The following ZFAT variants were observed in gnomAD, a reference collection of about 807,000 sequenced individuals.
The protein encoded by ZFAT is zinc finger and AT-hook domain containing.
Under a neutral mutation model 117.7 loss-of-function variants are expected in ZFAT, and 64 were observed. The observed-to-expected ratio is 0.54, with a 90% CI of 0.44 to 0.67. The LOEUF is 0.67. Ranked by LOEUF, ZFAT falls within the 30% of genes least tolerant of loss-of-function variation. ZFAT has a pLI of 0.00. For synonymous variants in ZFAT, 679 were observed against 615.0 expected (o/e 1.10, Z -1.54); for missense variants, 1,433 against 1,584.5 (o/e 0.90, Z 1.62).
At chr8:134,717,572 C>T (rs185858336), upstream of ZFAT, among the ~76,000 whole-genome samples, 168 of 141,262 alleles carry the variant, frequency 1.2e-3, 1 homozygote, top group East Asian at 0.027. Flanking sequence ...CAAGCTCTGC[C>T]TCCTGGGTTC....
chr8:134,665,654 GC>G (rs1832176224), intron 1 of ZFAT, among the ~76,000 whole-genome samples: 1 of 152,182 alleles, frequency 6.6e-6, no homozygotes, highest in East Asian at 1.9e-4. Context: ...AATACAGACA[GC>G]CCCCGAGCAT....
the ZFAT span, chr8:134,804,809 C>T: frequency 2.0e-6 from 1 of 510,766 alleles, no homozygotes; most frequent in African/African-American, 2.0e-5. Flanking sequence ...TTTTCCCACA[C>T]ATTTTATAGC....
chr8:134,825,766 A>G, the ZFAT span, among the ~76,000 whole-genome samples: 1 of 152,322 alleles, frequency 6.6e-6, no homozygotes, highest in East Asian at 1.9e-4. Context: ...CATGCCTGTA[A>G]TCCCAGCACT....
chr8:134,760,888 T>G, the ZFAT span, among the ~76,000 whole-genome samples: 9 of 152,292 alleles, frequency 5.9e-5, no homozygotes, highest in African/African-American at 2.2e-4. Context: ...GGGGAAAAAT[T>G]CCAGCTGGAT....
chr8:134,502,599 C>A (rs1023924253), intron 15 of ZFAT, among the ~76,000 whole-genome samples: 1 of 152,232 alleles, frequency 6.6e-6, no homozygotes, highest in Non-Finnish European at 1.5e-5. Flanking sequence ...TCTCCCAACA[C>A]TGCCAACCAT....
At chr8:134,542,137 T>C (rs1822301778) in intron 11 of ZFAT, among the ~76,000 whole-genome samples, 1 of 152,202 alleles carries the variant, frequency 6.6e-6, no homozygotes, top group African/African-American at 2.4e-5. Context: ...TACTGGCTCC[T>C]TTCTCATTTG....
chr8:134,645,060 C>T (rs992741327), intron 2 of ZFAT, among the ~76,000 whole-genome samples: 1 of 152,150 alleles, frequency 6.6e-6, no homozygotes, highest in Non-Finnish European at 1.5e-5. Context: ...CTTCTTGGAT[C>T]ACAGCCAGAG....
At chr8:134,625,423 C>G (rs1049742850) in intron 3 of ZFAT, among the ~76,000 whole-genome samples, 16 of 152,218 alleles carry the variant, frequency 1.1e-4, no homozygotes, top group Non-Finnish European at 2.2e-4. Context: ...CCCCCAGTCC[C>G]AAGTCATCCT....
chr8:134,681,485 C>G (rs575682471), intron 1 of ZFAT, among the ~76,000 whole-genome samples: 1 of 152,192 alleles, frequency 6.6e-6, no homozygotes, highest in South Asian at 2.1e-4. Flanking sequence ...GCTAGATGAT[C>G]TGATTATTAC....
Position 134,652,448 on chromosome 8 carries a change from G to A in ZFAT, c.196+5113C>T, listed in dbSNP as rs116678087. On this transcript the variant is annotated intron_variant, in intron 2 of 15. Coordinates refer to ENST00000377838, the MANE Select transcript of ZFAT (RefSeq NM_020863.4). Reference sequence around the variant, plus strand: ...ATGCAGATCCAAGGACTGAAGAGCCGGAAAGTCATAAATATGTAGCTAAAT... The same window carrying A: ...ATGCAGATCCAAGGACTGAAGAGCCAGAAAGTCATAAATATGTAGCTAAAT... Among the ~76,000 whole-genome samples the A allele has an allele frequency of 2.4e-3, 362 of 152,212 alleles. 1 individual carries two copies. Among genetic ancestry groups the A allele is most frequent in the African/African-American group, 8.3e-3 (344 of 41,542 alleles).
At chr8:134,501,054 G>A (rs1358978114) in intron 15 of ZFAT, among the ~76,000 whole-genome samples, 1 of 152,132 alleles carries the variant, frequency 6.6e-6, no homozygotes. Flanking sequence ...TTACAGTAAG[G>A]GCTAGGATAT....
the ZFAT span, among the ~76,000 whole-genome samples, chr8:134,751,837 A>G: frequency 1.6e-3 from 251 of 152,236 alleles, no homozygotes; most frequent in Middle Eastern, 0.014. Context: ...GCCTAACCCA[A>G]CTCTTTCCAG....
chr8:134,573,924 A>G (rs1300542983), intron 10 of ZFAT, among the ~76,000 whole-genome samples: 1 of 152,278 alleles, frequency 6.6e-6, no homozygotes, highest in Non-Finnish European at 1.5e-5. Context: ...GAGTCAGAGA[A>G]TCTGAGCTCT....
chr8:134,541,471 C>A lies in ZFAT; in HGVS notation c.2977-8499G>T, dbSNP rs182421266. Among the ~76,000 whole-genome samples the A allele has an allele frequency of 9.2e-5, 14 of 152,274 alleles. No homozygotes were observed. In the East Asian group the frequency reaches 2.3e-3, roughly 25 times the overall value. ...AGCCCCTTCACCCTGAACTTCACAGCCTCCAGAACTGTGAGAAATAAGTTC... is the reference window on the plus strand; with the variant it reads ...AGCCCCTTCACCCTGAACTTCACAGACTCCAGAACTGTGAGAAATAAGTTC... On this transcript the variant is annotated intron_variant, in intron 11 of 15. Coordinates refer to ENST00000377838, the MANE Select transcript of ZFAT (RefSeq NM_020863.4).
chr8:134,708,539 A>G (rs1338536184), intron 1 of ZFAT, among the ~76,000 whole-genome samples: 1 of 152,344 alleles, frequency 6.6e-6, no homozygotes, highest in East Asian at 1.9e-4. Flanking sequence ...TTATCTTTAT[A>G]AGTAAACTCA....
At chr8:134,620,309 C>G (rs1487908204) in intron 3 of ZFAT, among the ~76,000 whole-genome samples, 1 of 152,184 alleles carries the variant, frequency 6.6e-6, no homozygotes, top group East Asian at 1.9e-4. Flanking sequence ...CAGCCAAGCG[C>G]CCATACACAG....
intron 15 of ZFAT, among the ~76,000 whole-genome samples, 185 bp downstream of exon 15, chr8:134,509,434 C>G (rs1819648065): frequency 6.6e-6 from 1 of 151,940 alleles, no homozygotes; most frequent in South Asian, 2.1e-4. Context: ...ACACCTCCCA[C>G]ATATAGAGCT....
chr8:134,639,990 C>T (rs923759782), intron 2 of ZFAT: 2 of 350,380 alleles, frequency 5.7e-6, no homozygotes, highest in African/African-American at 4.3e-5. Context: ...GATTTCTAGG[C>T]CCCCGGATGT....
chr8:134,526,999 G>T (rs79055657), intron 12 of ZFAT, among the ~76,000 whole-genome samples: 2 of 152,018 alleles, frequency 1.3e-5, no homozygotes, highest in African/African-American at 4.8e-5. Context: ...AAAACGATGT[G>T]ATTCAGTTCA....
Sources: allele counts gnomAD v4.1 joint callset (sites outside exome capture counted in the v4.1 genomes callset), GRCh38; gene constraint gnomAD v4.1.1; transcripts MANE v1.5; gene names NCBI Gene and HGNC (gene_info 2026-07-23, HGNC 2026-07-21).